IFRD1: variants seen among roughly 807,000 people sequenced by gnomAD.
IFRD1 encodes the protein interferon-related developmental regulator 1.
Under a neutral mutation model 52.9 loss-of-function variants are expected in IFRD1, and 35 were observed. That is an observed-to-expected ratio of 0.66 (90% CI 0.51 to 0.88). The LOEUF is 0.88. Among genes scored for constraint, IFRD1 ranks in the 40% least tolerant of loss-of-function variants. IFRD1 has a pLI of 0.00. For synonymous variants in IFRD1, 184 were observed against 188.4 expected (o/e 0.98, Z 0.19); for missense variants, 517 against 550.8 (o/e 0.94, Z 0.61).
chr7:112,427,845 G>A (rs2117221001), intron 1 of IFRD1, among the ~76,000 whole-genome samples: 1 of 152,290 alleles, frequency 6.6e-6, no homozygotes, highest in South Asian at 2.1e-4. Flanking sequence ...TGCATCAGAT[G>A]TGGCTCCTAT....
chr7:112,468,324 T>G (rs1463592020), intron 9 of IFRD1, among the ~76,000 whole-genome samples: 1 of 152,130 alleles, frequency 6.6e-6, no homozygotes, highest in Non-Finnish European at 1.5e-5. Flanking sequence ...AGATACTTTA[T>G]TTTAGTTTTT....
intron 9 of IFRD1, among the ~76,000 whole-genome samples, chr7:112,470,176 C>G (rs1393688521): frequency 1.3e-5 from 2 of 152,140 alleles, no homozygotes; most frequent in African/African-American, 2.4e-5. Context: ...TTTCTTATCT[C>G]ATTATACCTC....
At chr7:112,472,438 AT>A in intron 10 of IFRD1, 91 bp downstream of exon 10, 1 of 1,359,928 alleles carries the variant, frequency 7.4e-7, no homozygotes, top group Non-Finnish European at 1.1e-6. Flanking sequence ...TTAATTAGGT[AT>A]CCAGAGTGCT....
At chr7:112,430,692 C>T (rs1257754443) in intron 1 of IFRD1, among the ~76,000 whole-genome samples, 1 of 152,214 alleles carries the variant, frequency 6.6e-6, no homozygotes, top group African/African-American at 2.4e-5. Context: ...CTCTTCCACA[C>T]ATATGTTCAC....
chr7:112,453,669 AAT>A (rs1795219637), intron 1 of IFRD1, among the ~76,000 whole-genome samples: 1 of 152,192 alleles, frequency 6.6e-6, no homozygotes, highest in Admixed American at 6.5e-5. Flanking sequence ...TAGATCCAGA[AAT>A]AGAGTGTGAT....
At chr7:112,450,804 G>C in intron 1 of IFRD1, 22 bp downstream of exon 1, 2 of 1,571,552 alleles carry the variant, frequency 1.3e-6, no homozygotes, top group Non-Finnish European at 1.7e-6. Flanking sequence ...CCCCGCCGCC[G>C]GCATCCCAGT....
chr7:112,448,566 A>G (rs1358267410), upstream of IFRD1, among the ~76,000 whole-genome samples: 2 of 152,150 alleles, frequency 1.3e-5, no homozygotes, highest in Non-Finnish European at 1.5e-5. Context: ...ACAAGGAGTC[A>G]GTGTGAGCTG....
At chr7:112,428,134 TTC>T (rs1794468298) in intron 1 of IFRD1, among the ~76,000 whole-genome samples, 1 of 152,172 alleles carries the variant, frequency 6.6e-6, no homozygotes, top group Admixed American at 6.5e-5. Flanking sequence ...TGTAAAAACT[TTC>T]AAGGCATTTG....
intron 1 of IFRD1, among the ~76,000 whole-genome samples, chr7:112,440,774 G>A (rs553435316): frequency 7.2e-5 from 11 of 152,288 alleles, no homozygotes; most frequent in African/African-American, 2.6e-4. Flanking sequence ...AGGAGAAACT[G>A]TAAACTATCC....
chr7:112,451,715 A>AC (rs1409220060), intron 1 of IFRD1, among the ~76,000 whole-genome samples: 2 of 152,142 alleles, frequency 1.3e-5, no homozygotes, highest in Non-Finnish European at 2.9e-5. Context: ...TCTAGGAGAG[A>AC]CCCCAATAAA....
At chr7:112,424,078 C>T (rs1246698833) in intron 1 of IFRD1, among the ~76,000 whole-genome samples, 1 of 151,772 alleles carries the variant, frequency 6.6e-6, no homozygotes, top group African/African-American at 2.4e-5. Flanking sequence ...TCTTTGGGGG[C>T]AGAAAGTAGG....
At chr7:112,467,302 T>A (rs1007604042) in intron 8 of IFRD1, 4 of 152,438 alleles carry the variant, frequency 2.6e-5, no homozygotes, top group Non-Finnish European at 5.9e-5. Flanking sequence ...GTTTGACTCA[T>A]TTTTTAGTTT....
intron 5 of IFRD1, among the ~76,000 whole-genome samples, chr7:112,459,687 C>A (rs1795383556): frequency 6.6e-6 from 1 of 151,952 alleles, no homozygotes; most frequent in Non-Finnish European, 1.5e-5. Context: ...AAATTTATTT[C>A]TTCTTCTTAT....
chr7:112,426,831 A>G (rs1794439587), intron 1 of IFRD1, among the ~76,000 whole-genome samples: 1 of 152,172 alleles, frequency 6.6e-6, no homozygotes, highest in African/African-American at 2.4e-5. Context: ...TAACCCAGTC[A>G]TTTCTTTCTA....
At chr7:112,457,180 T>C (rs1266742432) in intron 4 of IFRD1, 142 bp downstream of exon 4, 9 of 819,676 alleles carry the variant, frequency 1.1e-5, no homozygotes, top group Non-Finnish European at 1.8e-5. Context: ...CATCTTGTTA[T>C]GGCTCAAAAT....
At chr7:112,426,967 T>G (rs1794441961) in intron 1 of IFRD1, among the ~76,000 whole-genome samples, 1 of 152,226 alleles carries the variant, frequency 6.6e-6, no homozygotes, top group Non-Finnish European at 1.5e-5. Flanking sequence ...TATACGTTGA[T>G]TCATGTCTCA....
intron 1 of IFRD1, among the ~76,000 whole-genome samples, chr7:112,431,844 C>T (rs1228943997): frequency 6.6e-6 from 1 of 152,176 alleles, no homozygotes; most frequent in African/African-American, 2.4e-5. Flanking sequence ...CATCTGAGGC[C>T]TCAATTCCTA....
intron 10 of IFRD1, 78 bp from the exon 11 acceptor site, chr7:112,472,688 A>T (rs1202066641): frequency 1.1e-6 from 1 of 929,308 alleles, no homozygotes; most frequent in Non-Finnish European, 1.8e-6. Flanking sequence ...AACTTCTGTT[A>T]ATCAGAGTCA....
chr7:112,461,609 A>G (rs1225341152), intron 5 of IFRD1: 2 of 253,748 alleles, frequency 7.9e-6, no homozygotes, highest in East Asian at 1.4e-4. Flanking sequence ...TGGATCAATA[A>G]AAGAAGACTG....
Sources: allele counts gnomAD v4.1 joint callset (sites outside exome capture counted in the v4.1 genomes callset), GRCh38; gene constraint gnomAD v4.1.1; transcripts MANE v1.5; gene names NCBI Gene and HGNC (gene_info 2026-07-23, HGNC 2026-07-21).